The following RSF1 variants were observed in gnomAD, a reference collection of about 807,000 sequenced individuals.
The protein encoded by RSF1 is HBV pX-associated protein 8.
Under a neutral mutation model 145.2 loss-of-function variants are expected in RSF1, and 13 were observed. The observed-to-expected ratio is 0.09, with a 90% CI of 0.06 to 0.14. The LOEUF is 0.14. Ranked by LOEUF, RSF1 falls within the 10% of genes least tolerant of loss-of-function variation. RSF1 has a pLI of 1.00. For synonymous variants in RSF1, 577 were observed against 592.6 expected, an observed-to-expected ratio of 0.97 and a Z score of 0.38; for missense variants, 1,517 against 1,718.2, an observed-to-expected ratio of 0.88 and a Z score of 2.07.
At chr11:77,682,294 AG>A (rs1959883376) in intron 11 of RSF1, among the ~76,000 whole-genome samples, 1 of 152,234 alleles carries the variant, frequency 6.6e-6, no homozygotes, top group Non-Finnish European at 1.5e-5. Context: ...ATAAATAAGA[AG>A]CAAGTTCAAA....
In RSF1 at chr11:77,729,035, G is replaced by A. The variant is rs1456028605; in HGVS notation, c.579-3336C>T. ...GTGGAGTGAGAGAAAAAGCAGTTAC[G>A]GATGTGCTCCAAGGTTTTGGGCCTT... is the stretch of plus-strand genomic sequence containing the variant. On this transcript the variant is annotated intron_variant, in intron 4 of 15. Coordinates refer to ENST00000308488, the MANE Select transcript of RSF1 (RefSeq NM_016578.4). 2.6e-5 allele frequency among the ~76,000 whole-genome samples: 4 copies of A among 152,206 alleles called. No individual in the cohort carries two copies. The East Asian group carries it at 7.7e-4, about 29-fold the overall frequency.
At chr11:77,680,697 C>A (rs1959836383) in intron 11 of RSF1, among the ~76,000 whole-genome samples, 6 of 152,196 alleles carry the variant, frequency 3.9e-5, no homozygotes, top group South Asian at 4.1e-4. Flanking sequence ...TGCATAGTAT[C>A]TCACCTTACA....
the RSF1 span, among the ~76,000 whole-genome samples, chr11:77,867,507 G>A: frequency 6.6e-6 from 1 of 152,202 alleles, no homozygotes. Context: ...GTTCATCTCA[G>A]TATTGCTACT....
chr11:77,662,665 A>C lies in RSF1; in HGVS notation c.*4252T>G, dbSNP rs1959257335. On this transcript the variant is annotated 3_prime_UTR_variant, in exon 16 of 16. Coordinates refer to ENST00000308488, the MANE Select transcript of RSF1 (RefSeq NM_016578.4). ...AAGGATTGGTATAAAAATGACACAA[A>C]AAAATCAGTTAACTTGCCACTTCCA... 6.6e-6 allele frequency: 1 copy of C among 152,178 alleles called. No individual in the cohort carries two copies. Among genetic ancestry groups the C allele is most frequent in the Non-Finnish European group, 1.5e-5 (1 of 68,014 alleles). 9.4% of individuals were successfully genotyped at this position (152,178 alleles called of 1,614,324 possible). A position where few individuals can be genotyped will look rare whatever the true frequency, so the allele number is the denominator to read the frequency against.
chr11:77,698,710 A>C lies in RSF1; in HGVS notation c.2509-17T>G, dbSNP rs776989202. ...GGGTTTTACCTTGTATAAAATAAAA[A>C]AAATTGGGATAATTTGATATAAGAA... On this transcript the variant is annotated splice_polypyrimidine_tract_variant and intron_variant, in intron 6 of 15. Coordinates refer to ENST00000308488, the MANE Select transcript of RSF1 (RefSeq NM_016578.4). The C allele has an allele frequency of 1.2e-6, 2 of 1,600,718 alleles. No homozygotes were observed. Among genetic ancestry groups the C allele is most frequent in the East Asian group, 4.5e-5 (2 of 44,808 alleles).
the RSF1 span, among the ~76,000 whole-genome samples, chr11:77,827,148 C>T: frequency 4.6e-3 from 700 of 152,034 alleles, 5 homozygotes; most frequent in African/African-American, 0.016. Context: ...TTGCCCCTGG[C>T]CCCGCCCCCC....
intron 1 of RSF1, among the ~76,000 whole-genome samples, chr11:77,783,564 G>A (rs185549011): frequency 2.2e-4 from 34 of 152,160 alleles, no homozygotes; most frequent in African/African-American, 7.0e-4. Flanking sequence ...ATTATCAGCC[G>A]GGTGCAGTGG....
upstream of RSF1, among the ~76,000 whole-genome samples, chr11:77,824,848 A>G (rs1051014544): frequency 2.0e-5 from 3 of 152,192 alleles, no homozygotes; most frequent in African/African-American, 7.2e-5. Flanking sequence ...TTATGCTTCA[A>G]TTTTAGAAGT....
upstream of RSF1, among the ~76,000 whole-genome samples, chr11:77,825,008 T>C (rs1428836113): frequency 6.6e-6 from 1 of 152,096 alleles, no homozygotes; most frequent in Non-Finnish European, 1.5e-5. Flanking sequence ...TGAGACAGAG[T>C]CTCACTCTAT....
chr11:77,804,647 G>A (rs1948659457), intron 1 of RSF1, among the ~76,000 whole-genome samples: 2 of 152,074 alleles, frequency 1.3e-5, no homozygotes, highest in South Asian at 4.1e-4. Context: ...GACCAGCCTG[G>A]GAAACACAGT....
At chr11:77,843,631 A>G in the RSF1 span, among the ~76,000 whole-genome samples, 191 of 152,140 alleles carry the variant, frequency 1.3e-3, 1 homozygote, top group Admixed American at 3.8e-3. Flanking sequence ...TGGCTTCTAT[A>G]AAAAAAATTG....
intron 5 of RSF1, among the ~76,000 whole-genome samples, chr11:77,709,363 T>A (rs754715918): frequency 6.6e-6 from 1 of 152,228 alleles, no homozygotes; most frequent in Non-Finnish European, 1.5e-5. Flanking sequence ...TGGGAAAAAT[T>A]TGACTGCTTT....
At chr11:77,791,267 C>A (rs1025503853) in intron 1 of RSF1, among the ~76,000 whole-genome samples, 36 of 152,198 alleles carry the variant, frequency 2.4e-4, no homozygotes, top group African/African-American at 8.7e-4. Context: ...CCCTCTGAAG[C>A]AACAGCCCAA....
At chr11:77,779,075 C>A (rs889973133) in intron 1 of RSF1, among the ~76,000 whole-genome samples, 26 of 152,060 alleles carry the variant, frequency 1.7e-4, no homozygotes, top group African/African-American at 5.8e-4. Context: ...TCCCAAGTAG[C>A]TGGGATTACA....
At chr11:77,673,499 A>C (rs1463211086) in intron 14 of RSF1, among the ~76,000 whole-genome samples, 1 of 152,244 alleles carries the variant, frequency 6.6e-6, no homozygotes, top group African/African-American at 2.4e-5. Context: ...TGGAGCCTAA[A>C]TAGTGATGGG....
At chr11:77,704,884 T>C (rs1341543373) in intron 5 of RSF1, among the ~76,000 whole-genome samples, 1 of 151,980 alleles carries the variant, frequency 6.6e-6, no homozygotes, top group Non-Finnish European at 1.5e-5. Flanking sequence ...TCCCAGTAGC[T>C]GGGATTACAG....
At chr11:77,815,601 A>G (rs1051914089) in intron 1 of RSF1, among the ~76,000 whole-genome samples, 10 of 152,236 alleles carry the variant, frequency 6.6e-5, no homozygotes, top group African/African-American at 2.2e-4. Context: ...ACTGTAGACT[A>G]GAATGCACGG....
At chr11:77,700,039 C>T (rs1172078721) in intron 6 of RSF1, among the ~76,000 whole-genome samples, 2 of 151,988 alleles carry the variant, frequency 1.3e-5, no homozygotes, top group Non-Finnish European at 2.9e-5. Context: ...TATTTATGAA[C>T]ATCCACATAA....
At chr11:77,683,256 A>G (rs969919615) in intron 11 of RSF1, among the ~76,000 whole-genome samples, 1 of 152,120 alleles carries the variant, frequency 6.6e-6, no homozygotes, top group African/African-American at 2.4e-5. Flanking sequence ...GTGCCACTGC[A>G]CTCCAGCCTG....
Sources: gnomAD v4.1 joint callset for allele counts (sites outside exome capture counted in the v4.1 genomes callset) on GRCh38, gnomAD v4.1.1 for gene constraint, MANE v1.5 for transcripts, NCBI Gene and HGNC (gene_info 2026-07-23, HGNC 2026-07-21) for gene names.